Variants in ZGPAT observed in about 807,000 individuals in gnomAD.
ZGPAT encodes zinc finger CCCH-type and G-patch domain containing, also known as zinc finger CCCH-type with G patch domain-containing protein.
A neutral mutation model predicts 47.9 loss-of-function variants in ZGPAT; 39 were observed. The observed-to-expected ratio is 0.81, with a 90% CI of 0.63 to 1.06. ZGPAT has a LOEUF of 1.06. Ranked by LOEUF, ZGPAT falls within the 50% of genes least tolerant of loss-of-function variation. The pLI, the probability that ZGPAT is intolerant of heterozygous loss-of-function variation, is 0.00. For missense variants in ZGPAT, 717 were observed against 681.4 expected, an observed-to-expected ratio of 1.05 and a Z score of -0.58; for synonymous variants, 348 against 292.9, an observed-to-expected ratio of 1.19 and a Z score of -1.92.
chr20:63,729,612 C>G (rs1359917584), intron 2 of ZGPAT, among the ~76,000 whole-genome samples: 1 of 152,122 alleles, frequency 6.6e-6, no homozygotes. Context: ...CCTGGAGGCT[C>G]TCTTTTGCTC....
chr20:63,732,807 C>T (rs578247668), intron 2 of ZGPAT, among the ~76,000 whole-genome samples: 152 of 141,466 alleles, frequency 1.1e-3, no homozygotes, highest in African/African-American at 7.2e-4. Flanking sequence ...CATGTTTATG[C>T]GTGTGTATGT....
chr20:63,718,656 C>T, intron 2 of ZGPAT, among the ~76,000 whole-genome samples: 1 of 150,974 alleles, frequency 6.6e-6, no homozygotes, highest in Non-Finnish European at 1.5e-5. Flanking sequence ...GAAGGTCTCA[C>T]TCAAGCCCAG....
intron 2 of ZGPAT, among the ~76,000 whole-genome samples, chr20:63,716,515 C>A (rs1377468048): frequency 6.7e-6 from 1 of 149,176 alleles, no homozygotes; most frequent in East Asian, 2.0e-4. Flanking sequence ...CTCTTTTCTT[C>A]CTCTTTTTTT....
At chr20:63,733,192 C>T in intron 2 of ZGPAT, 27 bp from the exon 3 acceptor site, 3 of 1,607,928 alleles carry the variant, frequency 1.9e-6, no homozygotes, top group Non-Finnish European at 2.6e-6. Context: ...CATGTCTGAG[C>T]CCTGCCCCTT....
At chr20:63,726,135 G>A (rs114291115) in intron 2 of ZGPAT, among the ~76,000 whole-genome samples, 324 of 151,708 alleles carry the variant, frequency 2.1e-3, no homozygotes, top group African/African-American at 7.4e-3. Context: ...CACTGCACCC[G>A]GCCAGGATAA....
At chr20:63,735,096 C>T (rs1469294521) in intron 5 of ZGPAT, 63 bp from the exon 6 acceptor site, 16 of 1,460,808 alleles carry the variant, frequency 1.1e-5, no homozygotes, top group African/African-American at 2.9e-5. Flanking sequence ...CACTGCCATC[C>T]CCGTGCTCCT....
intron 4 of ZGPAT, 93 bp from the exon 5 acceptor site, chr20:63,734,612 G>A: frequency 6.4e-7 from 1 of 1,564,688 alleles, no homozygotes; most frequent in East Asian, 2.3e-5. Context: ...CTCTGGCCTG[G>A]CTGGGCCACT....
chr20:63,720,576 T>C (rs1057214795), intron 2 of ZGPAT, among the ~76,000 whole-genome samples: 25 of 152,286 alleles, frequency 1.6e-4, no homozygotes, highest in African/African-American at 5.5e-4. Context: ...CTTAGTCTCC[T>C]GAGTAGCTAG....
intron 2 of ZGPAT, among the ~76,000 whole-genome samples, chr20:63,718,623 CA>C (rs2091756326): frequency 6.9e-6 from 1 of 144,376 alleles, no homozygotes; most frequent in Non-Finnish European, 1.5e-5. Flanking sequence ...GCCCAGCCCC[CA>C]ATTTTTTTTT....
At position 63,735,940 on chromosome 20, in the gene ZGPAT, A is replaced by G; in HGVS notation, c.*21A>G. ...TCTAGAGACCCCACAAGCACTATGG[A>G]CGAAGCGTGGGACCCCAGCACGGGC... On this transcript the variant is annotated 3_prime_UTR_variant, in exon 7 of 7. Transcript: ENST00000355969. The G allele has an allele frequency of 3.8e-6, 6 of 1,599,900 alleles. No individual in the cohort carries two copies. Among genetic ancestry groups the G allele is most frequent in the Non-Finnish European group, 5.1e-6 (6 of 1,171,058 alleles).
intron 6 of ZGPAT, 96 bp downstream of exon 6, chr20:63,735,660 T>C: frequency 6.7e-7 from 1 of 1,499,980 alleles, no homozygotes; most frequent in Non-Finnish European, 8.9e-7. Flanking sequence ...CATAGCGGGC[T>C]GAGTCCAGGA....
chr20:63,731,020 C>T (rs144656496), intron 2 of ZGPAT, among the ~76,000 whole-genome samples: 23 of 149,674 alleles, frequency 1.5e-4, no homozygotes, highest in Non-Finnish European at 2.7e-4. Context: ...TTTACTGGTT[C>T]ACTGATGCCT....
At chr20:63,721,076 G>A (rs1203197022) in intron 2 of ZGPAT, among the ~76,000 whole-genome samples, 2 of 152,112 alleles carry the variant, frequency 1.3e-5, no homozygotes, top group African/African-American at 4.8e-5. Context: ...AAGAGGCCGG[G>A]CGCAGTGGCT....
chr20:63,709,009 C>T lies in ZGPAT; in HGVS notation c.429C>T (p.Gly143=), dbSNP rs1158806592. The change falls in exon 2 of 7, where the codon GGC becomes GGT. Residue 143 remains glycine, a synonymous_variant. Coordinates refer to ENST00000355969, the MANE Select transcript of ZGPAT (RefSeq NM_181485.3). ...GCGCGCCCTACTACAGCTCCTGGGGCACTCTGGAGTATCACAACGCCATGG... is the reference window on the plus strand; with the variant it reads ...GCGCGCCCTACTACAGCTCCTGGGGTACTCTGGAGTATCACAACGCCATGG... ...KVSAPYYSSW[G]TLEYHNAMVV... 6.2e-7 allele frequency: 1 copy of T among 1,613,630 alleles called. No homozygotes were observed. The highest frequency in any genetic ancestry group is 8.5e-7 in the Non-Finnish European group (1 of 1,180,002).
Position 63,712,916 on chromosome 20 carries a change from G to A in ZGPAT, c.584+3752G>A, listed in dbSNP as rs114431024. On this transcript the variant is annotated intron_variant, in intron 2 of 6. Coordinates refer to ENST00000355969, the MANE Select transcript of ZGPAT (RefSeq NM_181485.3). Reference sequence around the variant, plus strand: ...ATCTTAAACAACAACAATAACAGAAGAAAAAAACAGTATTAAGTCTTCCAA... The same window carrying A: ...ATCTTAAACAACAACAATAACAGAAAAAAAAAACAGTATTAAGTCTTCCAA... Among the ~76,000 whole-genome samples, 504 of 151,454 alleles carry A rather than the reference G, an allele frequency of 3.3e-3. 3 individuals carry two copies. The highest frequency in any genetic ancestry group is 0.012 in the African/African-American group (486 of 41,360).
rs149739934 is a variant in ZGPAT at position 63,735,799 on chromosome 20, C to G, written c.1416C>G (p.Ala472=). The change falls in exon 7 of 7, where the codon GCC becomes GCG. Residue 472 remains alanine, a synonymous_variant. Transcript: ENST00000355969. ...RNAGRHSVAS[A]QLQEKLAGAQ... is the part of the protein sequence containing the mutation. The stretch of plus-strand genomic sequence containing the variant: ...TCCGCAGGCATAGCGTGGCGTCAGC[C>G]CAGCTGCAGGAGAAGCTGGCAGGAG... 5.5e-5 allele frequency: 89 copies of G among 1,608,864 alleles called. No individual in the cohort carries two copies. Among genetic ancestry groups the G allele is most frequent in the Non-Finnish European group, 7.4e-5 (87 of 1,178,290 alleles).
chr20:63,732,288 CGTGTGTGTGTG>C (rs2091914725), intron 2 of ZGPAT, among the ~76,000 whole-genome samples: 51 of 142,860 alleles, frequency 3.6e-4, no homozygotes, highest in Middle Eastern at 3.9e-3. Flanking sequence ...TGGGTGAGGG[CGTGTGTGTGTG>C]CATGTGTGTG....
At chr20:63,710,698 G>T (rs2091656735) in intron 2 of ZGPAT, among the ~76,000 whole-genome samples, 2 of 152,052 alleles carry the variant, frequency 1.3e-5, no homozygotes, top group South Asian at 2.1e-4. Flanking sequence ...ATACTTCATA[G>T]TTGCATCTCT....
chr20:63,733,876 A>T lies in ZGPAT; in HGVS notation c.871+137A>T, dbSNP rs2091948745. On this transcript the variant is annotated intron_variant, in intron 4 of 6. Coordinates refer to ENST00000355969, the MANE Select transcript of ZGPAT (RefSeq NM_181485.3). ...GCGGCGAGGGTGCCACCTGTGCCTG[A>T]GGAGGCCGTGTGGGTAGGGGTAGAT... The T allele has an allele frequency of 1.1e-5, 13 of 1,197,700 alleles. No homozygotes were observed. The South Asian group carries it at 1.7e-4, about 16-fold the overall frequency. The allele number at this position is 1,197,700 out of a possible 1,614,324, so 74.2% of individuals were successfully genotyped here.
Sources: gnomAD v4.1 joint callset for allele counts (sites outside exome capture counted in the v4.1 genomes callset) on GRCh38, gnomAD v4.1.1 for gene constraint, MANE v1.5 for transcripts, NCBI Gene and HGNC (gene_info 2026-07-23, HGNC 2026-07-21) for gene names.